The following GTPBP6 variants were observed in gnomAD, a reference collection of about 807,000 sequenced individuals.
GTPBP6 encodes the protein putative GTP-binding protein 6.
GTPBP6 carries 33 observed loss-of-function variants against 28.9 expected under a neutral mutation model. The ratio of observed to expected loss-of-function variants is 1.14; its 90% confidence interval spans 0.87 to 1.53. The LOEUF (loss-of-function observed/expected upper bound fraction) is 1.53, where lower values mean the gene tolerates loss of function less well. Ranked by LOEUF, GTPBP6 falls within the 40% of genes most tolerant of loss-of-function variation. The pLI, the probability that GTPBP6 is intolerant of heterozygous loss-of-function variation, is 0.00. For missense variants in GTPBP6, 507 were observed against 408.3 expected, an observed-to-expected ratio of 1.24 and a Z score of -2.08; for synonymous variants, 231 against 192.7, an observed-to-expected ratio of 1.20 and a Z score of -1.65.
At chrX:305,991 T>C (rs1463897065) in intron 9 of GTPBP6, among the ~76,000 whole-genome samples, 3 of 151,486 alleles carry the variant, frequency 2.0e-5, no homozygotes, top group Admixed American at 2.0e-4. Flanking sequence ...CAAACTCCTC[T>C]CAGCTCAAGC....
At chrX:309,324 C>A (rs1174614238) in intron 7 of GTPBP6, among the ~76,000 whole-genome samples, 1 of 152,156 alleles carries the variant, frequency 6.6e-6, no homozygotes, top group Non-Finnish European at 1.5e-5. Flanking sequence ...AACAGCACCC[C>A]GCCCCCAAAT....
At chrX:307,301 A>G (rs910984685) in intron 9 of GTPBP6, 59 bp downstream of exon 9, 44 of 1,548,842 alleles carry the variant, frequency 2.8e-5, no homozygotes, top group Non-Finnish European at 3.8e-5. Flanking sequence ...AGCCCGTTTC[A>G]GAGCCAGAGA....
chrX:306,959 A>T (rs779466989), intron 9 of GTPBP6, among the ~76,000 whole-genome samples: 2 of 146,606 alleles, frequency 1.4e-5, no homozygotes, highest in East Asian at 4.1e-4. Flanking sequence ...CTGTCAGCAC[A>T]GATTAGGCAC....
intron 4 of GTPBP6, among the ~76,000 whole-genome samples, chrX:314,575 C>G (rs1039634727): frequency 1.8e-4 from 28 of 151,988 alleles, no homozygotes; most frequent in African/African-American, 6.3e-4. Context: ...GGGGTTCACG[C>G]CATTCTCCTG....
intron 5 of GTPBP6, 116 bp from the exon 6 acceptor site, chrX:313,040 G>A: frequency 1.2e-6 from 1 of 835,882 alleles, no homozygotes. Context: ...AGCATCTGGG[G>A]GCCCGGCTGC....
exon 7 of GTPBP6, chrX:311,508 G>C: frequency 6.2e-7 from 1 of 1,612,318 alleles, no homozygotes; most frequent in Non-Finnish European, 8.5e-7. Flanking sequence ...TCCACGTACA[G>C]GACGGTCATG....
exon 2 of GTPBP6, chrX:316,923 G>C (rs1321081163): frequency 2.5e-6 from 1 of 398,556 alleles, no homozygotes; most frequent in African/African-American, 2.1e-5. Flanking sequence ...CCTGTCAGGT[G>C]CTCAAAGTTC....
At chrX:305,511 C>T (rs1354920868) in intron 9 of GTPBP6, among the ~76,000 whole-genome samples, 2 of 151,178 alleles carry the variant, frequency 1.3e-5, no homozygotes, top group Non-Finnish European at 2.9e-5. Context: ...TTAGTAGAGA[C>T]GGGGTTTCAC....
At chrX:312,859 A>G in exon 6 of GTPBP6, 1 of 1,612,848 alleles carries the variant, frequency 6.2e-7, no homozygotes, top group Non-Finnish European at 8.5e-7. Flanking sequence ...AGCCTGTCCA[A>G]GGCCTTCCTG....
At chrX:311,048 G>A (rs1467288589) in intron 7 of GTPBP6, among the ~76,000 whole-genome samples, 6 of 152,064 alleles carry the variant, frequency 3.9e-5, no homozygotes, top group African/African-American at 1.2e-4. Flanking sequence ...ATTTCTACAC[G>A]GGCTCACGGC....
intron 7 of GTPBP6, among the ~76,000 whole-genome samples, 169 bp from the exon 8 acceptor site, chrX:308,049 C>T (rs28434565): frequency 0.077 from 11,649 of 151,836 alleles, 1,228 homozygotes; most frequent in African/African-American, 0.24. Flanking sequence ...GCTCCTAGAC[C>T]AACAGTGGAC....
chrX:307,369 G>C (rs146112808), exon 9 of GTPBP6: 2 of 1,612,058 alleles, frequency 1.2e-6, no homozygotes, highest in Non-Finnish European at 1.7e-6. Context: ...CCTGAGCTGC[G>C]CCCCTGCGAG....
intron 4 of GTPBP6, among the ~76,000 whole-genome samples, 200 bp from the exon 5 acceptor site, chrX:314,417 C>T (rs774688237): frequency 6.6e-5 from 10 of 151,770 alleles, no homozygotes; most frequent in South Asian, 2.1e-4. Context: ...AGTGGGGAGC[C>T]GGGGGCAGGC....
At chrX:311,726 G>A in intron 6 of GTPBP6, 99 bp from the exon 7 acceptor site, 3 of 993,918 alleles carry the variant, frequency 3.0e-6, no homozygotes, top group Non-Finnish European at 4.7e-6. Flanking sequence ...GCACCCTCTG[G>A]GGGGCCGCAC....
chrX:316,788 T>G (rs2070447923), intron 2 of GTPBP6, 126 bp downstream of exon 2: 1 of 398,080 alleles, frequency 2.5e-6, no homozygotes, highest in African/African-American at 2.1e-5. Context: ...ACCTGGGCAA[T>G]CCGAGAGGCC....
At chrX:312,872 C>A in exon 6 of GTPBP6, 1 of 1,612,818 alleles carries the variant, frequency 6.2e-7, no homozygotes, top group Non-Finnish European at 8.5e-7. Flanking sequence ...CCTTCCTGAT[C>A]TTGGCCTCCT....
At chrX:312,656 G>C (rs760241270) in intron 6 of GTPBP6, 110 bp downstream of exon 6, 2 of 1,135,486 alleles carry the variant, frequency 1.8e-6, no homozygotes, top group Non-Finnish European at 2.6e-6. Flanking sequence ...GCTCACCGCA[G>C]CTGTCGTACG....
chrX:316,207 A>C (rs1216689963), intron 2 of GTPBP6, among the ~76,000 whole-genome samples: 4 of 17,082 alleles, frequency 2.3e-4, no homozygotes, highest in South Asian at 2.4e-3. Flanking sequence ...GACACACACA[A>C]ACACAGTAAA....
At chrX:307,877 G>A (rs758117291) in exon 8 of GTPBP6, 1 of 1,522,308 alleles carries the variant, frequency 6.6e-7, no homozygotes, top group Non-Finnish European at 8.8e-7. Flanking sequence ...TGCAAGATGA[G>A]ATCCTGTGGG....
Sources: gnomAD v4.1 joint callset for allele counts (sites outside exome capture counted in the v4.1 genomes callset) on GRCh38, gnomAD v4.1.1 for gene constraint, MANE v1.5 for transcripts, NCBI Gene and HGNC (gene_info 2026-07-23, HGNC 2026-07-21) for gene names.